TARS2: variants seen among roughly 807,000 people sequenced by gnomAD.
TARS2 encodes the protein threonine--tRNA ligase, mitochondrial.
Under a neutral mutation model 94.4 loss-of-function variants are expected in TARS2, and 61 were observed. The observed-to-expected ratio is 0.65, with a 90% CI of 0.53 to 0.80. The LOEUF (loss-of-function observed/expected upper bound fraction) is 0.80, where lower values mean the gene tolerates loss of function less well. Among genes scored for constraint, TARS2 ranks in the 30% least tolerant of loss-of-function variants. TARS2 has a pLI of 0.00. For missense variants in TARS2, 704 were observed against 902.5 expected (o/e 0.78, Z 2.82); for synonymous variants, 359 against 353.4 (o/e 1.02, Z -0.18).
At chr1:150,495,652 C>T (rs1245286901) in intron 7 of TARS2, among the ~76,000 whole-genome samples, 2 of 151,744 alleles carry the variant, frequency 1.3e-5, no homozygotes, top group Non-Finnish European at 2.9e-5. Flanking sequence ...CCTCAGCCCC[C>T]CAAAGTGCTG....
intron 5 of TARS2, 28 bp from the exon 6 acceptor site, chr1:150,491,570 C>A: frequency 6.2e-7 from 1 of 1,614,146 alleles, no homozygotes; most frequent in Non-Finnish European, 8.5e-7. Flanking sequence ...AAACACTTTT[C>A]TTCAATCTCC....
chr1:150,499,272 T>A lies in TARS2; in HGVS notation c.1596T>A (p.Asp532Glu), dbSNP rs767218612. The change falls in exon 13 of 18, where the codon GAT (aspartate) becomes GAA (glutamate). Residue 532 changes from aspartate to glutamate, a missense_variant. Asp to Glu is a conservative substitution (Grantham distance 45). This residue lies in a region of TARS2 where 466 missense variants were observed against 609.5 expected (regional missense o/e 0.76). Coordinates refer to ENST00000369064, the MANE Select transcript of TARS2 (RefSeq NM_025150.5). ...AACCCTGGGACCTCAACTCTGGAGATGGTGCCTTCTATGGACCTAAGGTAA... is the reference window on the plus strand; with the variant it reads ...AACCCTGGGACCTCAACTCTGGAGAAGGTGCCTTCTATGGACCTAAGGTAA... ...FGEPWDLNSGDGAFYGPKIDV... is the reference protein window; with the variant it reads ...FGEPWDLNSGEGAFYGPKIDV... 1.9e-6 allele frequency: 3 copies of A among 1,614,206 alleles called. No homozygotes were observed. The highest frequency in any genetic ancestry group is 4.5e-5 in the East Asian group (2 of 44,890).
Position 150,498,910 on chromosome 1 carries a change from T to G in TARS2, c.1415T>G (p.Ile472Ser). 6.2e-7 allele frequency: 1 copy of G among 1,614,166 alleles called. No homozygotes were observed. The highest frequency in any genetic ancestry group is 8.5e-7 in the Non-Finnish European group (1 of 1,180,038). ...TCCTGCCCCTAGCTGGAAGCAGAGATCCAAAGCTGTCTTGATTTCCTCCGT... is the reference window on the plus strand; with the variant it reads ...TCCTGCCCCTAGCTGGAAGCAGAGAGCCAAAGCTGTCTTGATTTCCTCCGT... ...FCTTDQLEAE[I>S]QSCLDFLRSV... The change falls in exon 12 of 18, where the codon ATC (isoleucine) becomes AGC (serine). Residue 472 changes from isoleucine (I) to serine (S), a missense_variant. Physicochemically the swap from Ile to Ser is moderately radical, Grantham distance 142. Coordinates refer to ENST00000369064, the MANE Select transcript of TARS2 (RefSeq NM_025150.5).
In TARS2 at chr1:150,504,192, G is replaced by A. The variant is rs587675157; in HGVS notation, c.1618-143G>A. 81 of 705,456 alleles carry A rather than the reference G, an allele frequency of 1.1e-4. No individual in the cohort carries two copies. The East Asian group carries it at 1.3e-3, about 11-fold the overall frequency. 43.7% of individuals were successfully genotyped at this position (705,456 alleles called of 1,614,324 possible). On this transcript the variant is annotated intron_variant, in intron 13 of 17. Transcript: ENST00000369064. ...GAGTAGAGTGAACTGGAGGGGTAGC[G>A]TATGATAGAGCTAGGTGACATGATG...
intron 7 of TARS2, among the ~76,000 whole-genome samples, chr1:150,492,768 C>T (rs1669453929): frequency 6.9e-6 from 1 of 143,942 alleles, no homozygotes; most frequent in African/African-American, 2.6e-5. Context: ...CGAGACTGCA[C>T]TACTGCACTC....
At chr1:150,506,372 T>C (rs1670202953) in intron 17 of TARS2, among the ~76,000 whole-genome samples, 1 of 151,762 alleles carries the variant, frequency 6.6e-6, no homozygotes, top group Admixed American at 6.6e-5. Context: ...GTGGGACTGA[T>C]GAGAGGAAAC....
At position 150,499,231 on chromosome 1, in the gene TARS2, C is replaced by CT. The variant is rs1669803197; in HGVS notation, c.1556dup (p.Lys520GlufsTer20). 1 of 1,613,990 alleles carries CT rather than the reference C, an allele frequency of 6.2e-7. No homozygotes were observed. Among genetic ancestry groups the CT allele is most frequent in the African/African-American group, 1.3e-5 (1 of 74,888 alleles). On this transcript the variant is annotated frameshift_variant, in exon 13 of 18. Coordinates refer to ENST00000369064, the MANE Select transcript of TARS2 (RefSeq NM_025150.5). LOFTEE classifies it high-confidence loss of function. ...TCCTTCAAAGGTCCTTAAACAGGCC[C>CT]TGAAGGAATTTGGAGAACCCTGGGA...
intron 7 of TARS2, 61 bp downstream of exon 7, chr1:150,492,550 G>C: frequency 3.2e-6 from 5 of 1,550,972 alleles, no homozygotes; most frequent in Non-Finnish European, 4.4e-6. Context: ...GGTGGCTCAC[G>C]CTTGTAATCC....
chr1:150,496,635 G>T lies in TARS2; in HGVS notation c.921+7G>T, dbSNP rs761963727. 1 of 1,611,562 alleles carries T rather than the reference G, an allele frequency of 6.2e-7. No individual in the cohort carries two copies. The highest frequency in any genetic ancestry group is 1.1e-5 in the South Asian group (1 of 90,918). ...CCACCGGCGCATTGGGAAGGTACAG[G>T]AATTGGGAAGATAGGGAGGGATGGT... On this transcript the variant is annotated splice_region_variant and intron_variant, in intron 8 of 17. Transcript: ENST00000369064.
At chr1:150,492,918 G>A (rs185936434) in intron 7 of TARS2, among the ~76,000 whole-genome samples, 108 of 149,492 alleles carry the variant, frequency 7.2e-4, no homozygotes, top group African/African-American at 2.5e-3. Flanking sequence ...CAAGTCTCTC[G>A]GTCGCCCAGG....
At chr1:150,505,837 G>A (rs1441343558) in intron 17 of TARS2, 132 bp downstream of exon 17, 1 of 772,570 alleles carries the variant, frequency 1.3e-6, no homozygotes, top group East Asian at 2.7e-5. Flanking sequence ...CCAGGATTCA[G>A]GACACCTGAC....
At chr1:150,487,554 A>T in intron 1 of TARS2, 38 bp downstream of exon 1, 2 of 1,613,518 alleles carry the variant, frequency 1.2e-6, no homozygotes, top group Non-Finnish European at 1.7e-6. Context: ...TCCGCATCAG[A>T]CTTAGCCCAG....
rs1307872385 is a variant in TARS2, at chr1:150,499,208, C to T, written c.1540-8C>T. The T allele has an allele frequency of 1.2e-6, 2 of 1,614,106 alleles. No homozygotes were observed. The highest frequency in any genetic ancestry group is 1.7e-6 in the Non-Finnish European group (2 of 1,180,018). On this transcript the variant is annotated splice_polypyrimidine_tract_variant and splice_region_variant and intron_variant, in intron 12 of 17. Transcript: ENST00000369064. Reference sequence around the variant, plus strand: ...GATGTATTCCACTCTTGTCTCATTCCTTCAAAGGTCCTTAAACAGGCCCTG... The same window carrying T: ...GATGTATTCCACTCTTGTCTCATTCTTTCAAAGGTCCTTAAACAGGCCCTG...
In TARS2 at chr1:150,496,913, G is replaced by A; in HGVS notation, c.1020+5G>A. 1 of 1,613,870 alleles carries A rather than the reference G, an allele frequency of 6.2e-7. No homozygotes were observed. The highest frequency in any genetic ancestry group is 2.2e-5 in the East Asian group (1 of 44,884). On this transcript the variant is annotated splice_donor_5th_base_variant and intron_variant, in intron 9 of 17. Coordinates refer to ENST00000369064, the MANE Select transcript of TARS2 (RefSeq NM_025150.5). ...GCACTAGTGGCGTTTATCAGGGTAA[G>A]GGGACCCAGGTCTAGAGGAAAGAAG...
At chr1:150,497,020 C>A in intron 9 of TARS2, 112 bp downstream of exon 9, 2 of 985,258 alleles carry the variant, frequency 2.0e-6, no homozygotes, top group Non-Finnish European at 3.0e-6. Flanking sequence ...CAGTGGCTCA[C>A]ATCTATAATC....
At chr1:150,504,802 C>G in intron 15 of TARS2, 69 bp downstream of exon 15, 1 of 1,605,960 alleles carries the variant, frequency 6.2e-7, no homozygotes, top group Non-Finnish European at 8.5e-7. Context: ...TCCTGTCCCC[C>G]TTCATATGCC....
chr1:150,506,278 C>T lies in TARS2; in HGVS notation c.2008+573C>T, dbSNP rs587724373. 9.3e-4 allele frequency among the ~76,000 whole-genome samples: 142 copies of T among 152,150 alleles called. 1 individual carries two copies. The highest frequency in any genetic ancestry group is 3.3e-3 in the African/African-American group (138 of 41,502). On this transcript the variant is annotated intron_variant, in intron 17 of 17. Coordinates refer to ENST00000369064, the MANE Select transcript of TARS2 (RefSeq NM_025150.5). ...TACATGGCCCCTTTCCCTCCCTTAC[C>T]GCCCAGTCAGCCCCTGCATACATCC...
chr1:150,491,297 T>C, intron 4 of TARS2, 97 bp from the exon 5 acceptor site: 1 of 1,182,180 alleles, frequency 8.5e-7, no homozygotes, highest in African/African-American at 1.5e-5. Context: ...TAGATTTCTC[T>C]TGAAGGACAG....
chr1:150,491,302 G>T, intron 4 of TARS2, 92 bp from the exon 5 acceptor site: 3 of 1,245,964 alleles, frequency 2.4e-6, no homozygotes, highest in Non-Finnish European at 2.4e-6. Flanking sequence ...TTCTCTTGAA[G>T]GACAGGACCT....
Sources: allele counts gnomAD v4.1 joint callset (sites outside exome capture counted in the v4.1 genomes callset), GRCh38; gene constraint gnomAD v4.1.1; regional missense constraint gnomAD v4.1.1; transcripts MANE v1.5; gene names NCBI Gene and HGNC (gene_info 2026-07-23, HGNC 2026-07-21).